MAGI2: variants seen among roughly 807,000 people sequenced by gnomAD.
MAGI2 encodes membrane associated guanylate kinase, WW and PDZ domain containing 2.
MAGI2 carries 35 observed loss-of-function variants against 133.3 expected under a neutral mutation model. The observed-to-expected ratio is 0.26, with a 90% CI of 0.20 to 0.35. The LOEUF (loss-of-function observed/expected upper bound fraction) is 0.35, where lower values mean the gene tolerates loss of function less well. Among genes scored for constraint, MAGI2 ranks in the 10% least tolerant of loss-of-function variants. The probability of loss-of-function intolerance (pLI) is 1.00; values close to 1 mark genes in which losing one functional copy is unlikely to be tolerated. For synonymous variants in MAGI2, 729 were observed against 710.6 expected (o/e 1.03, Z -0.41); for missense variants, 1,636 against 1,863.4 (o/e 0.88, Z 2.25).
At chr7:78,397,366 T>TAAACAC (rs1554391099) in intron 6 of MAGI2, among the ~76,000 whole-genome samples, 1 of 147,704 alleles carries the variant, frequency 6.8e-6, no homozygotes. Flanking sequence ...TTGAAATTCC[T>TAAACAC]ACACACACAC....
At chr7:78,624,280 G>A (rs1417478146) in intron 3 of MAGI2, among the ~76,000 whole-genome samples, 1 of 152,072 alleles carries the variant, frequency 6.6e-6, no homozygotes, top group African/African-American at 2.4e-5. Flanking sequence ...TCACTCTGAT[G>A]ATAGCTTCTT....
intron 1 of MAGI2, among the ~76,000 whole-genome samples, chr7:79,438,035 C>T (rs1260910048): frequency 6.6e-6 from 1 of 152,118 alleles, no homozygotes; most frequent in African/African-American, 2.4e-5. Context: ...CAAATTTCCA[C>T]TCTTGATCTC....
At chr7:78,628,941 C>G (rs553971117) in intron 2 of MAGI2, among the ~76,000 whole-genome samples, 2 of 151,734 alleles carry the variant, frequency 1.3e-5, no homozygotes, top group South Asian at 2.1e-4. Context: ...AGAAAAAAAT[C>G]ACATAACAAA....
chr7:79,279,785 T>C (rs1374842915), intron 1 of MAGI2, among the ~76,000 whole-genome samples: 4 of 152,194 alleles, frequency 2.6e-5, no homozygotes, highest in Non-Finnish European at 5.9e-5. Context: ...CTTCTTCAGT[T>C]CAAATTACGT....
chr7:79,406,686 G>A (rs1234093368), intron 1 of MAGI2, among the ~76,000 whole-genome samples: 1 of 151,974 alleles, frequency 6.6e-6, no homozygotes, highest in Non-Finnish European at 1.5e-5. Flanking sequence ...GTTACATAAG[G>A]ATCTCCTATA....
chr7:78,950,916 C>G (rs558086348), intron 2 of MAGI2, among the ~76,000 whole-genome samples: 1 of 149,872 alleles, frequency 6.7e-6, no homozygotes, highest in Non-Finnish European at 1.5e-5. Flanking sequence ...GTCCTCTATT[C>G]TTAGAATAAG....
chr7:78,316,418 T>A (rs899041360), intron 9 of MAGI2, among the ~76,000 whole-genome samples: 1 of 152,248 alleles, frequency 6.6e-6, no homozygotes, highest in Non-Finnish European at 1.5e-5. Flanking sequence ...ATCTTTAAGT[T>A]GATTTCTACA....
At chr7:78,367,531 C>T (rs1306048171) in intron 7 of MAGI2, among the ~76,000 whole-genome samples, 1 of 152,206 alleles carries the variant, frequency 6.6e-6, no homozygotes, top group Non-Finnish European at 1.5e-5. Context: ...GCTACAACAG[C>T]AGAGCTAAGC....
chr7:78,157,936 C>G (rs1040662755), intron 16 of MAGI2, among the ~76,000 whole-genome samples: 1 of 152,192 alleles, frequency 6.6e-6, no homozygotes, highest in Non-Finnish European at 1.5e-5. Flanking sequence ...CACATATTCG[C>G]TGAGGTTTAA....
chr7:78,627,312 A>G, intron 2 of MAGI2, 73 bp from the exon 3 acceptor site: 1 of 1,321,078 alleles, frequency 7.6e-7, no homozygotes, highest in Admixed American at 3.0e-5. Context: ...ATACCACCAT[A>G]CTTCTGAATA....
intron 1 of MAGI2, among the ~76,000 whole-genome samples, chr7:79,136,508 A>G (rs1821589520): frequency 6.6e-6 from 1 of 152,176 alleles, no homozygotes; most frequent in Admixed American, 6.5e-5. Flanking sequence ...ATAACCTCAT[A>G]TTTGCCTCTT....
intron 21 of MAGI2, among the ~76,000 whole-genome samples, chr7:78,031,649 GTTC>G (rs57663923): frequency 0.022 from 3,344 of 152,240 alleles, 122 homozygotes; most frequent in African/African-American, 0.076. Flanking sequence ...CTAGAATCGT[GTTC>G]TTCTTCTTCA....
intron 1 of MAGI2, among the ~76,000 whole-genome samples, chr7:79,087,100 T>C (rs1816580824): frequency 6.6e-6 from 1 of 151,782 alleles, no homozygotes; most frequent in Non-Finnish European, 1.5e-5. Context: ...TTTCCCTTCA[T>C]AAATAAAAAG....
At chr7:78,997,983 G>T (rs1247376629) in intron 2 of MAGI2, among the ~76,000 whole-genome samples, 1 of 152,124 alleles carries the variant, frequency 6.6e-6, no homozygotes, top group African/African-American at 2.4e-5. Context: ...AAGGAGGAGA[G>T]CAATTTTAAA....
chr7:78,554,594 C>A (rs1391916585), intron 3 of MAGI2: 1 of 152,178 alleles, frequency 6.6e-6, no homozygotes, highest in African/African-American at 2.4e-5. Flanking sequence ...CCCCGGAAGG[C>A]GGCCATAAAT....
chr7:78,623,222 A>G (rs1807934475), intron 3 of MAGI2, among the ~76,000 whole-genome samples: 1 of 152,026 alleles, frequency 6.6e-6, no homozygotes, highest in Admixed American at 6.6e-5. Flanking sequence ...ACAAACAAAA[A>G]GTCATATTGT....
At chr7:78,831,936 G>T (rs572498912) in intron 2 of MAGI2, among the ~76,000 whole-genome samples, 1 of 152,238 alleles carries the variant, frequency 6.6e-6, no homozygotes, top group South Asian at 2.1e-4. Flanking sequence ...AACTTTAAAA[G>T]GAAGGGTCCA....
chr7:78,432,966 G>T (rs12234591), intron 6 of MAGI2, among the ~76,000 whole-genome samples: 5,883 of 152,036 alleles, frequency 0.039, 168 homozygotes, highest in South Asian at 0.073. Flanking sequence ...TCCCCTAAGA[G>T]TTCACTAACT....
intron 2 of MAGI2, among the ~76,000 whole-genome samples, chr7:78,651,739 A>T (rs1811596669): frequency 6.6e-6 from 1 of 152,166 alleles, no homozygotes; most frequent in Non-Finnish European, 1.5e-5. Flanking sequence ...AGGTAATGCT[A>T]TAATTGTTCA....
Sources: allele counts gnomAD v4.1 joint callset (sites outside exome capture counted in the v4.1 genomes callset), GRCh38; gene constraint gnomAD v4.1.1; transcripts MANE v1.5; gene names NCBI Gene and HGNC (gene_info 2026-07-23, HGNC 2026-07-21).